RUNX2: variants seen among roughly 807,000 people sequenced by gnomAD.
The protein encoded by RUNX2 is runt-related transcription factor 2.
RUNX2 carries 10 observed loss-of-function variants against 51.7 expected under a neutral mutation model. The observed-to-expected ratio is 0.19, with a 90% confidence interval of 0.12 to 0.33. The LOEUF is 0.33. RUNX2 is among the 10% of genes least tolerant of loss of function. The probability of loss-of-function intolerance (pLI) is 1.00; values close to 1 mark genes in which losing one functional copy is unlikely to be tolerated. For missense variants in RUNX2, 562 were observed against 691.3 expected, an observed-to-expected ratio of 0.81 and a Z score of 2.10; for synonymous variants, 276 against 273.6, an observed-to-expected ratio of 1.01 and a Z score of -0.09.
At chr6:45,330,411 C>A (rs1246117781) in intron 2 of RUNX2, among the ~76,000 whole-genome samples, 1 of 151,892 alleles carries the variant, frequency 6.6e-6, no homozygotes. Context: ...TAACTTGAAA[C>A]AGGGATAACA....
chr6:45,379,113 G>A (rs1797155929), intron 2 of RUNX2, among the ~76,000 whole-genome samples: 1 of 152,182 alleles, frequency 6.6e-6, no homozygotes, highest in Admixed American at 6.5e-5. Flanking sequence ...GTGGATTGTA[G>A]TTGAGTCTGC....
chr6:45,444,909 A>G (rs1253419583), intron 5 of RUNX2, among the ~76,000 whole-genome samples: 1 of 152,192 alleles, frequency 6.6e-6, no homozygotes, highest in Non-Finnish European at 1.5e-5. Flanking sequence ...AGCTGATGTC[A>G]GCGGCAGCTC....
intron 5 of RUNX2, among the ~76,000 whole-genome samples, chr6:45,451,988 T>C (rs1799187203): frequency 6.6e-6 from 1 of 152,198 alleles, no homozygotes; most frequent in South Asian, 2.1e-4. Flanking sequence ...GAGAAAAATA[T>C]GACCAAAAAG....
intron 2 of RUNX2, chr6:45,421,955 A>C (rs767922103): frequency 6.6e-6 from 1 of 151,346 alleles, no homozygotes; most frequent in Non-Finnish European, 1.5e-5. Flanking sequence ...GAAAGGAAGG[A>C]GCCTAGCCGG....
intron 2 of RUNX2, among the ~76,000 whole-genome samples, chr6:45,399,629 A>T (rs999631674): frequency 6.6e-6 from 1 of 151,884 alleles, no homozygotes; most frequent in African/African-American, 2.4e-5. Flanking sequence ...AAGTGCTGGG[A>T]TTACAGGCGT....
At chr6:45,531,888 A>G (rs1487618993) in intron 7 of RUNX2, among the ~76,000 whole-genome samples, 1 of 152,210 alleles carries the variant, frequency 6.6e-6, no homozygotes, top group South Asian at 2.1e-4. Context: ...TTAACTTTGG[A>G]TAATTCAGAT....
In RUNX2 at chr6:45,494,589, C is replaced by T. The variant is rs997130128; in HGVS notation, c.859+2475C>T. Among the ~76,000 whole-genome samples the T allele has an allele frequency of 2.6e-5, 4 of 152,148 alleles. No individual in the cohort carries two copies. In the East Asian group the frequency reaches 7.7e-4, roughly 29 times the overall value. On this transcript the variant is annotated intron_variant, in intron 6 of 8. Coordinates refer to ENST00000647337, the MANE Select transcript of RUNX2 (RefSeq NM_001024630.4). ...AAATTTCCAGATGTCCACATACATA[C>T]TTGTCACCCCAACCACTCTTGGCCA... is the stretch of plus-strand genomic sequence containing the variant.
intron 7 of RUNX2, among the ~76,000 whole-genome samples, chr6:45,531,024 T>G: frequency 6.6e-6 from 1 of 152,244 alleles, no homozygotes; most frequent in Non-Finnish European, 1.5e-5. Context: ...GTATCAATAC[T>G]ACTATACTCA....
At chr6:45,392,331 ACT>A (rs1190159562) in intron 2 of RUNX2, among the ~76,000 whole-genome samples, 2 of 151,866 alleles carry the variant, frequency 1.3e-5, no homozygotes. Flanking sequence ...ATTTTGTGAG[ACT>A]CTGTCTCTAC....
At chr6:45,487,832 G>A (rs1387310118) in intron 5 of RUNX2, among the ~76,000 whole-genome samples, 1 of 152,186 alleles carries the variant, frequency 6.6e-6, no homozygotes, top group African/African-American at 2.4e-5. Context: ...GAGACTTACA[G>A]TCTTACAGGA....
chr6:45,445,085 C>A (rs945821447), intron 5 of RUNX2, among the ~76,000 whole-genome samples: 2 of 152,054 alleles, frequency 1.3e-5, no homozygotes, highest in African/African-American at 2.4e-5. Context: ...AGTGCAGTGG[C>A]GGGATCTCGG....
In RUNX2 at chr6:45,422,973, G is replaced by T; in HGVS notation, c.423+16G>T. 6.2e-7 allele frequency: 1 copy of T among 1,604,424 alleles called. No homozygotes were observed. The highest frequency in any genetic ancestry group is 8.5e-7 in the Non-Finnish European group (1 of 1,177,886). ...GGCCTTCAAGGTAAGAGGCTACACC[G>T]CCCCCCGCCCCCGGCCGGGAGCGGC... On this transcript the variant is annotated intron_variant, in intron 3 of 8. Coordinates refer to ENST00000647337, the MANE Select transcript of RUNX2 (RefSeq NM_001024630.4).
chr6:45,350,727 A>C (rs1264388719), intron 2 of RUNX2, among the ~76,000 whole-genome samples: 1 of 152,222 alleles, frequency 6.6e-6, no homozygotes, highest in Non-Finnish European at 1.5e-5. Flanking sequence ...AAAACAACAA[A>C]AAATTTTAAG....
intron 7 of RUNX2, among the ~76,000 whole-genome samples, chr6:45,518,784 T>A (rs985557519): frequency 6.6e-6 from 1 of 152,212 alleles, no homozygotes; most frequent in African/African-American, 2.4e-5. Context: ...TATATTTTAT[T>A]GAGGATTTGC....
At chr6:45,467,796 C>T (rs1217820016) in intron 5 of RUNX2, among the ~76,000 whole-genome samples, 1 of 152,152 alleles carries the variant, frequency 6.6e-6, no homozygotes, top group East Asian at 1.9e-4. Context: ...CTTCAATGTC[C>T]CATCTCCCTT....
chr6:45,490,354 A>G (rs1800425755), intron 5 of RUNX2, among the ~76,000 whole-genome samples: 1 of 152,190 alleles, frequency 6.6e-6, no homozygotes, highest in Non-Finnish European at 1.5e-5. Context: ...CAGATGCCCA[A>G]AAACTTGCAC....
At chr6:45,515,076 C>T (rs752337355) in intron 7 of RUNX2, among the ~76,000 whole-genome samples, 1 of 152,110 alleles carries the variant, frequency 6.6e-6, no homozygotes, top group African/African-American at 2.4e-5. Context: ...ATACTAACCT[C>T]TATCCCTGTT....
intron 2 of RUNX2, among the ~76,000 whole-genome samples, chr6:45,373,241 G>A (rs772152010): frequency 3.9e-5 from 6 of 152,130 alleles, no homozygotes; most frequent in Non-Finnish European, 8.8e-5. Flanking sequence ...CACAGAGCCG[G>A]CCACGATTTT....
At chr6:45,424,278 C>T (rs1018437802) in intron 3 of RUNX2, among the ~76,000 whole-genome samples, 7 of 152,234 alleles carry the variant, frequency 4.6e-5, no homozygotes, top group African/African-American at 1.4e-4. Context: ...CGGGGTAGCC[C>T]TCTACAGGGG....
Sources: allele counts gnomAD v4.1 joint callset (sites outside exome capture counted in the v4.1 genomes callset), GRCh38; gene constraint gnomAD v4.1.1; transcripts MANE v1.5; gene names NCBI Gene and HGNC (gene_info 2026-07-23, HGNC 2026-07-21).